CCSER2: variants seen among roughly 807,000 people sequenced by gnomAD.
The protein encoded by CCSER2 is serine-rich coiled-coil domain-containing protein 2.
Under a neutral mutation model 92.3 loss-of-function variants are expected in CCSER2, and 46 were observed. The ratio of observed to expected loss-of-function variants is 0.50; its 90% CI spans 0.39 to 0.64. The LOEUF is 0.64. Ranked by LOEUF, CCSER2 falls within the 30% of genes least tolerant of loss-of-function variation. The pLI is 0.00. For missense variants in CCSER2, 1,244 were observed against 1,238.9 expected, an observed-to-expected ratio of 1.00 and a Z score of -0.06; for synonymous variants, 433 against 431.4, an observed-to-expected ratio of 1.00 and a Z score of -0.04.
At chr10:84,430,735 A>G (rs1843720886) in intron 5 of CCSER2, among the ~76,000 whole-genome samples, 1 of 152,232 alleles carries the variant, frequency 6.6e-6, no homozygotes, top group Admixed American at 6.5e-5. Flanking sequence ...TTAAAATGCC[A>G]CAGAGCTTGC....
At chr10:84,416,103 C>A (rs1053529227) in intron 3 of CCSER2, among the ~76,000 whole-genome samples, 1 of 152,226 alleles carries the variant, frequency 6.6e-6, no homozygotes, top group African/African-American at 2.4e-5. Context: ...TCTCCTTATC[C>A]TCTGGTTGCA....
At chr10:84,415,089 A>G (rs1454476783) in intron 3 of CCSER2, among the ~76,000 whole-genome samples, 1 of 152,144 alleles carries the variant, frequency 6.6e-6, no homozygotes, top group Non-Finnish European at 1.5e-5. Context: ...GGGTAATAAC[A>G]TGCTCCTTTA....
At position 84,514,741 on chromosome 10, in the gene CCSER2, A is replaced by G. The variant is rs192873950; in HGVS notation, c.*474A>G. ...GTAGTCTGTAAGCAGAGTTCTGGCC[A>G]GTGTTTTGTATATTTAAAAGGTCTA... On this transcript the variant is annotated 3_prime_UTR_variant, in exon 10 of 10. Coordinates refer to ENST00000372088, the MANE Select transcript of CCSER2 (RefSeq NM_001284240.2). 195 of 157,438 alleles carry G rather than the reference A, an allele frequency of 1.2e-3. 1 individual carries two copies. Among genetic ancestry groups the G allele is most frequent in the Non-Finnish European group, 1.2e-3 (83 of 71,054 alleles). The allele number at this position is 157,438 out of a possible 1,614,324, so 9.8% of individuals were successfully genotyped here.
At chr10:84,351,938 G>A (rs1034011727) in intron 1 of CCSER2, among the ~76,000 whole-genome samples, 1 of 152,156 alleles carries the variant, frequency 6.6e-6, no homozygotes, top group South Asian at 2.1e-4. Context: ...TTGGTACAGT[G>A]TTCTATGGAT....
intron 3 of CCSER2, among the ~76,000 whole-genome samples, chr10:84,383,935 A>G (rs527300139): frequency 6.6e-6 from 1 of 152,334 alleles, no homozygotes; most frequent in African/African-American, 2.4e-5. Context: ...TCAAATAAGC[A>G]TGATCAGAAG....
intron 3 of CCSER2, among the ~76,000 whole-genome samples, chr10:84,413,275 T>TA (rs1438272634): frequency 6.6e-6 from 1 of 152,170 alleles, no homozygotes; most frequent in East Asian, 1.9e-4. Context: ...AGCTCTTTGA[T>TA]ATGGGCATTT....
At chr10:84,398,304 C>A (rs1377374438) in intron 3 of CCSER2, among the ~76,000 whole-genome samples, 1 of 152,144 alleles carries the variant, frequency 6.6e-6, no homozygotes, top group African/African-American at 2.4e-5. Flanking sequence ...ATACATTGGG[C>A]CCCCTCAGAT....
intron 9 of CCSER2, among the ~76,000 whole-genome samples, chr10:84,495,619 A>G (rs1185592185): frequency 6.6e-6 from 1 of 152,178 alleles, no homozygotes; most frequent in Non-Finnish European, 1.5e-5. Flanking sequence ...TGCTTCAGCT[A>G]CTATACGTTT....
chr10:84,502,427 A>G (rs989046274), intron 9 of CCSER2, among the ~76,000 whole-genome samples: 2 of 140,508 alleles, frequency 1.4e-5, no homozygotes, highest in African/African-American at 5.4e-5. Flanking sequence ...GCTGGAGTGC[A>G]GTGGCCAGAT....
intron 1 of CCSER2, among the ~76,000 whole-genome samples, chr10:84,357,742 G>A (rs900813163): frequency 6.6e-6 from 1 of 152,128 alleles, no homozygotes; most frequent in South Asian, 2.1e-4. Context: ...GAGCCACCGC[G>A]CTCGGCCATA....
rs12573304 is a variant in CCSER2, at chr10:84,467,628, T to C, written c.2149-2744T>C. On this transcript the variant is annotated intron_variant, in intron 7 of 9. Coordinates refer to ENST00000372088, the MANE Select transcript of CCSER2 (RefSeq NM_001284240.2). ...AACCTCAAGATCTCTTCTGGCTCCA[T>C]CATGTCCCCACCTCCCCCCTACTGC... is the stretch of plus-strand genomic sequence containing the variant. 1.7e-4 allele frequency among the ~76,000 whole-genome samples: 26 copies of C among 152,316 alleles called. No individual in the cohort carries two copies. In the East Asian group the frequency reaches 5.0e-3, roughly 29 times the overall value.
At chr10:84,474,755 CCTGGT>C (rs1847036143) in intron 8 of CCSER2, among the ~76,000 whole-genome samples, 2 of 151,644 alleles carry the variant, frequency 1.3e-5, no homozygotes, top group Admixed American at 6.6e-5. Flanking sequence ...CTACTTAATG[CCTGGT>C]CCATGGATAC....
chr10:84,387,991 G>A (rs925650104), intron 3 of CCSER2, among the ~76,000 whole-genome samples: 8 of 152,076 alleles, frequency 5.3e-5, no homozygotes, highest in Admixed American at 1.3e-4. Context: ...AGCCTCCTGA[G>A]TAGCTGGGAT....
chr10:84,460,555 T>A (rs1589729236), intron 6 of CCSER2, among the ~76,000 whole-genome samples: 1 of 152,146 alleles, frequency 6.6e-6, no homozygotes, highest in African/African-American at 2.4e-5. Context: ...ATTGATGTTA[T>A]TCTCTTAAAT....
intron 4 of CCSER2, among the ~76,000 whole-genome samples, 200 bp downstream of exon 4, chr10:84,418,061 A>T (rs904246659): frequency 2.0e-5 from 3 of 152,204 alleles, no homozygotes; most frequent in Non-Finnish European, 4.4e-5. Flanking sequence ...CTTAGATATA[A>T]TTCTCTATCA....
At chr10:84,355,927 AC>A (rs1380728453) in intron 1 of CCSER2, among the ~76,000 whole-genome samples, 2 of 152,074 alleles carry the variant, frequency 1.3e-5, no homozygotes, top group Non-Finnish European at 2.9e-5. Flanking sequence ...ACATGGTGAA[AC>A]CCTGTCTCTA....
intron 1 of CCSER2, among the ~76,000 whole-genome samples, chr10:84,355,921 G>C (rs1845142194): frequency 6.6e-6 from 1 of 152,076 alleles, no homozygotes; most frequent in African/African-American, 2.4e-5. Context: ...TGGCCAACAT[G>C]GTGAAACCCT....
chr10:84,366,918 T>C (rs1233268527), intron 1 of CCSER2, among the ~76,000 whole-genome samples: 1 of 152,176 alleles, frequency 6.6e-6, no homozygotes, highest in African/African-American at 2.4e-5. Context: ...GAAGAAATGA[T>C]GAGCATAAGA....
intron 3 of CCSER2, chr10:84,374,061 C>G: frequency 4.7e-6 from 4 of 848,784 alleles, no homozygotes; most frequent in South Asian, 2.0e-5. Context: ...TATGTGCATA[C>G]TATATTAGTA....
Sources: allele counts gnomAD v4.1 joint callset (sites outside exome capture counted in the v4.1 genomes callset), GRCh38; gene constraint gnomAD v4.1.1; transcripts MANE v1.5; gene names NCBI Gene and HGNC (gene_info 2026-07-23, HGNC 2026-07-21).